The following AP1B1 variants were observed in gnomAD, a reference collection of about 807,000 sequenced individuals.
AP1B1 encodes AP-1 complex subunit beta-1.
In AP1B1, 36 loss-of-function variants were observed where a neutral mutation model predicts 104.3. The ratio of observed to expected loss-of-function variants is 0.35; its 90% CI spans 0.26 to 0.46. The LOEUF (loss-of-function observed/expected upper bound fraction) is 0.46, where lower values mean the gene tolerates loss of function less well. AP1B1 is among the 20% of genes least tolerant of loss of function. The pLI is 1.00. For missense variants in AP1B1, 901 were observed against 1,247.9 expected (o/e 0.72, Z 4.19); for synonymous variants, 504 against 517.5 (o/e 0.97, Z 0.35).
intron 1 of AP1B1, among the ~76,000 whole-genome samples, chr22:29,378,417 G>A (rs928095824): frequency 2.6e-5 from 4 of 151,816 alleles, no homozygotes; most frequent in African/African-American, 9.7e-5. Context: ...GCCAGGTGTG[G>A]TGGCATACAT....
chr22:29,373,765 G>A (rs1242906324), intron 1 of AP1B1, among the ~76,000 whole-genome samples: 1 of 152,052 alleles, frequency 6.6e-6, no homozygotes, highest in East Asian at 1.9e-4. Flanking sequence ...AGCTGGGCCT[G>A]GTAGTGGGCA....
At position 29,340,839 on chromosome 22, in the gene AP1B1, G is replaced by A; in HGVS notation, c.1815C>T (p.Ser605=). 6.3e-7 allele frequency: 1 copy of A among 1,594,640 alleles called. No individual in the cohort carries two copies. Among genetic ancestry groups the A allele is most frequent in the African/African-American group, 1.3e-5 (1 of 74,932 alleles). Residue 605 remains serine (S), a synonymous_variant, in exon 14 of 23, where the codon AGC becomes AGT. Coordinates refer to ENST00000357586, the MANE Select transcript of AP1B1 (RefSeq NM_001127.4). ...PRTASSESAE[S]PETAPTGAPP... is the part of the protein sequence containing the mutation. ...GTGCTCCAGTAGGGGCTGTCTCAGG[G>A]CTCTCTGCGCTCTCACTCCTGCCGG...
Position 29,372,333 on chromosome 22 carries a change from G to A in AP1B1, c.-27-5063C>T, listed in dbSNP as rs1020052276. On this transcript the variant is annotated intron_variant, in intron 1 of 22. Coordinates refer to ENST00000357586, the MANE Select transcript of AP1B1 (RefSeq NM_001127.4). The stretch of plus-strand genomic sequence containing the variant: ...CAGCTACTCGGGAGGCTGAGGTAGG[G>A]GAATCACTTGAACCCGGGAGGCAGA... Among the ~76,000 whole-genome samples, 10 of 151,488 alleles carry A rather than the reference G, an allele frequency of 6.6e-5. No homozygotes were observed. In the South Asian group the frequency reaches 2.1e-3, roughly 32 times the overall value.
At chr22:29,346,723 C>T (rs1336128355) in intron 11 of AP1B1, among the ~76,000 whole-genome samples, 1 of 151,818 alleles carries the variant, frequency 6.6e-6, no homozygotes, top group Non-Finnish European at 1.5e-5. Flanking sequence ...CCAGCATAGG[C>T]AAGCTTTGCT....
In AP1B1 at chr22:29,337,894, G is replaced by A. The variant is rs117795732; in HGVS notation, c.2163+1096C>T. Among the ~76,000 whole-genome samples the A allele has an allele frequency of 6.4e-3, 975 of 152,306 alleles. 10 individuals are homozygous for A. The highest frequency in any genetic ancestry group is 0.017 in the Middle Eastern group (5 of 294). ...TCTGCCCCACCCCTTCCCTGCAGAC[G>A]CAGCCATCTTTCTCAAGTGCAAATC... is the stretch of plus-strand genomic sequence containing the variant. On this transcript the variant is annotated intron_variant, in intron 16 of 22. Transcript: ENST00000357586.
At chr22:29,361,985 G>A (rs966700180) in intron 3 of AP1B1, among the ~76,000 whole-genome samples, 8 of 152,084 alleles carry the variant, frequency 5.3e-5, no homozygotes, top group Admixed American at 2.6e-4. Flanking sequence ...GTAGAGACGG[G>A]GTTTCACCAT....
At chr22:29,369,944 A>T (rs2062206111) in intron 1 of AP1B1, among the ~76,000 whole-genome samples, 1 of 151,496 alleles carries the variant, frequency 6.6e-6, no homozygotes, top group Non-Finnish European at 1.5e-5. Flanking sequence ...GGTAAATCAG[A>T]TAATGGGATT....
rs575263434 is a variant in AP1B1, at chr22:29,350,774, C to G, written c.1155+397G>C. ...GCCAGGACACAGGAGTCTAGAGTGGCCCTGGGACGCTGGGACACAGAGGCA... is the reference window on the plus strand; with the variant it reads ...GCCAGGACACAGGAGTCTAGAGTGGGCCTGGGACGCTGGGACACAGAGGCA... On this transcript the variant is annotated intron_variant, in intron 9 of 22. Coordinates refer to ENST00000357586, the MANE Select transcript of AP1B1 (RefSeq NM_001127.4). Among the ~76,000 whole-genome samples the G allele has an allele frequency of 2.0e-5, 3 of 152,262 alleles. No individual in the cohort carries two copies. The South Asian group carries it at 6.2e-4, about 32-fold the overall frequency.
chr22:29,356,055 T>C (rs1158909003), intron 6 of AP1B1, among the ~76,000 whole-genome samples: 3 of 152,140 alleles, frequency 2.0e-5, no homozygotes, highest in Admixed American at 6.5e-5. Flanking sequence ...TGGGGGATGA[T>C]GATAAAAGTT....
chr22:29,357,342 A>G (rs1335515973), intron 5 of AP1B1, among the ~76,000 whole-genome samples: 4 of 152,030 alleles, frequency 2.6e-5, no homozygotes, highest in African/African-American at 9.7e-5. Flanking sequence ...TGCTAGGATT[A>G]TAGGCGTGAG....
chr22:29,337,536 C>A (rs1267315382), intron 16 of AP1B1, among the ~76,000 whole-genome samples: 1 of 152,130 alleles, frequency 6.6e-6, no homozygotes, highest in African/African-American at 2.4e-5. Flanking sequence ...CCCCTGACCG[C>A]CAACTGTATC....
At chr22:29,334,492 T>TTC in intron 16 of AP1B1, 82 bp from the exon 17 acceptor site, 1 of 1,466,814 alleles carries the variant, frequency 6.8e-7, no homozygotes. Context: ...AGGGTGCTTT[T>TTC]TCTCTCTCTC....
At chr22:29,383,757 C>T (rs995508877) in intron 1 of AP1B1, among the ~76,000 whole-genome samples, 32 of 151,628 alleles carry the variant, frequency 2.1e-4, no homozygotes, top group African/African-American at 7.5e-4. Flanking sequence ...AGCTCCGAGT[C>T]CACAGGGTAG....
At position 29,354,301 on chromosome 22, in the gene AP1B1, T is replaced by C. The variant is rs566987586; in HGVS notation, c.938+349A>G. 5.3e-5 allele frequency among the ~76,000 whole-genome samples: 8 copies of C among 152,334 alleles called. No homozygotes were observed. In the South Asian group the frequency reaches 1.7e-3, roughly 32 times the overall value. On this transcript the variant is annotated intron_variant, in intron 7 of 22. Transcript: ENST00000357586. ...GCTAGTCTTTACATAGCCTGCTTCC[T>C]AGTTAGGTTAAGCCAGGGCTTCTCA...
chr22:29,358,807 G>C lies in AP1B1; in HGVS notation c.444C>G (p.Leu148=). Reference sequence around the variant, plus strand: ...CCACCAGCTGGGCGTTGATGTCGTGGAGCTTGGCCACGCACACAGCTGCTG... The same window carrying C: ...CCACCAGCTGGGCGTTGATGTCGTGCAGCTTGGCCACGCACACAGCTGCTG... ...RKTAAVCVAK[L]HDINAQLVED... is the part of the protein sequence containing the mutation. Residue 148 remains leucine, a synonymous_variant, in exon 5 of 23, where the codon CTC becomes CTG. Coordinates refer to ENST00000357586, the MANE Select transcript of AP1B1 (RefSeq NM_001127.4). 6.2e-7 allele frequency: 1 copy of C among 1,614,212 alleles called. No individual in the cohort carries two copies. Among genetic ancestry groups the C allele is most frequent in the Non-Finnish European group, 8.5e-7 (1 of 1,180,036 alleles).
rs766641958 is a variant in AP1B1, at chr22:29,330,223, A to C, written c.2766+155T>G. ...GGGTAACCTGACGGGGTTGATTTGG[A>C]AGCTTTCTAGAAAGGTCCTTCTCAG... On this transcript the variant is annotated intron_variant, in intron 21 of 22. Transcript: ENST00000357586. 6 of 1,477,616 alleles carry C rather than the reference A, an allele frequency of 4.1e-6. No individual in the cohort carries two copies. The African/African-American group carries it at 8.4e-5, about 21-fold the overall frequency. The allele number at this position is 1,477,616 out of a possible 1,614,324, so 91.5% of individuals were successfully genotyped here.
intron 11 of AP1B1, among the ~76,000 whole-genome samples, chr22:29,344,254 A>C (rs1444744332): frequency 6.6e-6 from 1 of 152,140 alleles, no homozygotes; most frequent in Non-Finnish European, 1.5e-5. Flanking sequence ...GATGCCTGGA[A>C]TTATTCATCA....
intron 1 of AP1B1, among the ~76,000 whole-genome samples, chr22:29,381,171 A>G (rs2062430890): frequency 6.6e-6 from 1 of 151,576 alleles, no homozygotes; most frequent in African/African-American, 2.4e-5. Flanking sequence ...CTCAAATGTC[A>G]TCTTCTCATT....
chr22:29,352,895 A>C (rs571180398), intron 7 of AP1B1, among the ~76,000 whole-genome samples: 6 of 152,192 alleles, frequency 3.9e-5, no homozygotes, highest in Non-Finnish European at 8.8e-5. Flanking sequence ...TGAGACGAGA[A>C]GCATCCAGCA....
Sources: gnomAD v4.1 joint callset for allele counts (sites outside exome capture counted in the v4.1 genomes callset) on GRCh38, gnomAD v4.1.1 for gene constraint, MANE v1.5 for transcripts, NCBI Gene and HGNC (gene_info 2026-07-23, HGNC 2026-07-21) for gene names.